The following ARHGEF7 variants were observed in gnomAD, a reference collection of about 807,000 sequenced individuals.
ARHGEF7 encodes the protein PAK-interacting exchange factor beta.
In ARHGEF7, 33 loss-of-function variants were observed where a neutral mutation model predicts 109.8. That is an observed-to-expected ratio of 0.30 (90% confidence interval 0.23 to 0.40). The LOEUF (loss-of-function observed/expected upper bound fraction) is 0.40. Ranked by LOEUF, ARHGEF7 falls within the 10% of genes least tolerant of loss-of-function variation. The probability of loss-of-function intolerance (pLI) is 1.00; values close to 1 mark genes in which losing one functional copy is unlikely to be tolerated. For synonymous variants in ARHGEF7, 458 were observed against 424.6 expected (o/e 1.08, Z -0.97); for missense variants, 938 against 1,098.5 (o/e 0.85, Z 2.07).
At position 111,292,213 on chromosome 13, in the gene ARHGEF7, T is replaced by C; in HGVS notation, c.2230T>C (p.Leu744=). ...SLGRRSSLSR[L]EPSDLSEDSD... is the part of the protein sequence containing the mutation. Reference sequence around the variant, plus strand: ...GGGGCGTCGCAGTAGCCTTTCTCGTTTGGAGCCTTCAGACCTCTCGGAAGA... The same window carrying C: ...GGGGCGTCGCAGTAGCCTTTCTCGTCTGGAGCCTTCAGACCTCTCGGAAGA... Residue 744 remains leucine (L), a synonymous_variant, in exon 19 of 22, where the codon TTG becomes CTG. Coordinates refer to ENST00000646102, the MANE Select transcript of ARHGEF7 (RefSeq NM_001354046.2). 1 of 1,614,194 alleles carries C rather than the reference T, an allele frequency of 6.2e-7. No homozygotes were observed. The highest frequency in any genetic ancestry group is 8.5e-7 in the Non-Finnish European group (1 of 1,180,036).
chr13:111,148,949 G>A (rs888755973), intron 1 of ARHGEF7, among the ~76,000 whole-genome samples: 3 of 152,134 alleles, frequency 2.0e-5, no homozygotes, highest in Admixed American at 6.6e-5. Flanking sequence ...ATCTCCTTGC[G>A]TTTTCAAGTA....
At chr13:111,302,286 C>T (rs1430182827) in intron 21 of ARHGEF7, among the ~76,000 whole-genome samples, 4 of 152,144 alleles carry the variant, frequency 2.6e-5, no homozygotes, top group South Asian at 2.1e-4. Context: ...GTTCATTGCA[C>T]GGAATGTGAG....
chr13:111,267,032 A>G (rs929001457), intron 8 of ARHGEF7: 2 of 402,966 alleles, frequency 5.0e-6, no homozygotes, highest in African/African-American at 4.1e-5. Context: ...TTTTGTTCTC[A>G]TGAGTTTATG....
intron 1 of ARHGEF7, among the ~76,000 whole-genome samples, chr13:111,123,827 G>A (rs1355124681): frequency 6.6e-6 from 1 of 150,822 alleles, no homozygotes; most frequent in Non-Finnish European, 1.5e-5. Context: ...GCTCCAGAGC[G>A]GCTGGTAACT....
At chr13:111,246,021 T>G (rs1241941223) in intron 8 of ARHGEF7, among the ~76,000 whole-genome samples, 3 of 152,216 alleles carry the variant, frequency 2.0e-5, no homozygotes, top group Non-Finnish European at 4.4e-5. Flanking sequence ...TTTGTCACTT[T>G]TCCAAAATTT....
chr13:111,250,453 A>G (rs2089597899), intron 8 of ARHGEF7, among the ~76,000 whole-genome samples: 1 of 152,246 alleles, frequency 6.6e-6, no homozygotes, highest in African/African-American at 2.4e-5. Flanking sequence ...GAAAGCTACA[A>G]TTGCAGACCT....
chr13:111,208,647 A>G (rs1216550902), intron 3 of ARHGEF7, among the ~76,000 whole-genome samples: 1 of 152,060 alleles, frequency 6.6e-6, no homozygotes, highest in African/African-American at 2.4e-5. Flanking sequence ...TTTGCTGGAA[A>G]TGCCCTTTTA....
At chr13:111,193,303 G>T (rs765532060) in intron 2 of ARHGEF7, among the ~76,000 whole-genome samples, 4 of 152,302 alleles carry the variant, frequency 2.6e-5, no homozygotes, top group Admixed American at 6.5e-5. Flanking sequence ...CATACCAAGG[G>T]TCCTTCCGTA....
Position 111,283,412 on chromosome 13 carries a change from C to T in ARHGEF7, c.1950+49C>T, listed in dbSNP as rs925804494. On this transcript the variant is annotated intron_variant, in intron 16 of 21. Coordinates refer to ENST00000646102, the MANE Select transcript of ARHGEF7 (RefSeq NM_001354046.2). ...CAGCCAGATGACGGTGAGCATGCCT[C>T]GGGCCCTGGGTGTGCCCACGTGCTG... The T allele has an allele frequency of 6.6e-6, 10 of 1,526,408 alleles. No individual in the cohort carries two copies. The East Asian group carries it at 7.3e-5, about 11-fold the overall frequency. The allele number at this position is 1,526,408 out of a possible 1,614,324, so 94.6% of individuals were successfully genotyped here.
chr13:111,221,547 A>G (rs868606609), intron 5 of ARHGEF7, among the ~76,000 whole-genome samples: 1,660 of 81,708 alleles, frequency 0.02, 114 homozygotes, highest in African/African-American at 0.073. Flanking sequence ...ATATAGATAC[A>G]TATCTATATA....
intron 2 of ARHGEF7, among the ~76,000 whole-genome samples, chr13:111,193,723 C>T (rs1191204992): frequency 6.6e-6 from 1 of 152,212 alleles, no homozygotes; most frequent in Non-Finnish European, 1.5e-5. Flanking sequence ...TATGGCATAA[C>T]CTGCCCTTTG....
At chr13:111,221,417 C>A (rs865849133) in intron 5 of ARHGEF7, among the ~76,000 whole-genome samples, 122 of 2,484 alleles carry the variant, frequency 0.049, 47 homozygotes, top group Non-Finnish European at 0.11. Flanking sequence ...ATATAGATGT[C>A]TATATATCTA....
chr13:111,124,081 C>T (rs1052401476), intron 1 of ARHGEF7, among the ~76,000 whole-genome samples: 1 of 151,798 alleles, frequency 6.6e-6, no homozygotes, highest in Non-Finnish European at 1.5e-5. Context: ...TATCTGGTTT[C>T]TCTCTGTTTC....
intron 5 of ARHGEF7, among the ~76,000 whole-genome samples, chr13:111,223,323 AC>A (rs2084726943): frequency 6.6e-6 from 1 of 152,208 alleles, no homozygotes; most frequent in Non-Finnish European, 1.5e-5. Context: ...CAGGTTCCAA[AC>A]TTAGAGACTT....
chr13:111,267,762 TG>T, intron 9 of ARHGEF7, 92 bp downstream of exon 9: 1 of 1,481,904 alleles, frequency 6.7e-7, no homozygotes, highest in Admixed American at 2.1e-5. Context: ...AATAGTCCCT[TG>T]GTTATTAAAG....
At chr13:111,241,150 C>T (rs2087707369) in intron 6 of ARHGEF7, 2 of 1,532,848 alleles carry the variant, frequency 1.3e-6, no homozygotes, top group Non-Finnish European at 1.7e-6. Flanking sequence ...CTGGCACTGG[C>T]TGAGCTCAGC....
At chr13:111,154,567 A>G (rs770856431) in intron 2 of ARHGEF7, among the ~76,000 whole-genome samples, 1 of 152,194 alleles carries the variant, frequency 6.6e-6, no homozygotes, top group Non-Finnish European at 1.5e-5. Context: ...GAGAATTCAC[A>G]TTAACCAGTA....
intron 6 of ARHGEF7, among the ~76,000 whole-genome samples, chr13:111,237,400 G>A (rs541535838): frequency 6.6e-6 from 1 of 152,334 alleles, no homozygotes; most frequent in Admixed American, 6.5e-5. Context: ...GAGATTTAAA[G>A]AGAGAATCTT....
chr13:111,279,296 G>A (rs1013316296), intron 13 of ARHGEF7, among the ~76,000 whole-genome samples: 6 of 152,034 alleles, frequency 3.9e-5, no homozygotes, highest in Non-Finnish European at 8.8e-5. Flanking sequence ...CACTGCTGAC[G>A]TTCTGGACTG....
Sources: gnomAD v4.1 joint callset for allele counts (sites outside exome capture counted in the v4.1 genomes callset) on GRCh38, gnomAD v4.1.1 for gene constraint, MANE v1.5 for transcripts, NCBI Gene and HGNC (gene_info 2026-07-23, HGNC 2026-07-21) for gene names.